Variants in CDIN1 observed in about 807,000 individuals in gnomAD.
CDIN1 encodes the protein CDAN1-interacting nuclease 1.
Under a neutral mutation model 45.3 loss-of-function variants are expected in CDIN1, and 33 were observed. The ratio of observed to expected loss-of-function variants is 0.73; its 90% CI spans 0.55 to 0.97. CDIN1 has a LOEUF of 0.97. CDIN1 is among the 50% of genes least tolerant of loss of function. The probability of loss-of-function intolerance (pLI) is 0.00; values close to 1 mark genes in which losing one functional copy is unlikely to be tolerated. For missense variants in CDIN1, 303 were observed against 339.4 expected (o/e 0.89, Z 0.84); for synonymous variants, 118 against 124.4 (o/e 0.95, Z 0.34).
chr15:36,583,046 G>T (rs544822541), intron 1 of CDIN1, among the ~76,000 whole-genome samples: 1 of 152,094 alleles, frequency 6.6e-6, no homozygotes, highest in African/African-American at 2.4e-5. Flanking sequence ...TGTTCAGGAT[G>T]CTGGTCCTAT....
intron 5 of CDIN1, among the ~76,000 whole-genome samples, chr15:36,688,819 A>G (rs1261817042): frequency 2.6e-5 from 4 of 152,182 alleles, no homozygotes; most frequent in South Asian, 4.1e-4. Flanking sequence ...TGTGTGTAAA[A>G]GTAGGTTTAC....
intron 10 of CDIN1, among the ~76,000 whole-genome samples, chr15:36,757,587 C>T (rs1161345936): frequency 6.6e-6 from 1 of 152,164 alleles, no homozygotes; most frequent in African/African-American, 2.4e-5. Flanking sequence ...GATGAAACCT[C>T]ACAGCAGCCC....
chr15:36,638,112 T>C (rs1305321488), intron 1 of CDIN1, among the ~76,000 whole-genome samples: 1 of 152,210 alleles, frequency 6.6e-6, no homozygotes, highest in African/African-American at 2.4e-5. Flanking sequence ...AAAAATAATT[T>C]TTAAAAAGGA....
In CDIN1 at chr15:36,728,670, G is replaced by GA. The variant is rs527384818; in HGVS notation, c.716+18716dup. Among the ~76,000 whole-genome samples the GA allele has an allele frequency of 4.7e-3, 710 of 150,930 alleles. 6 individuals are homozygous for GA. Among genetic ancestry groups the GA allele is most frequent in the Non-Finnish European group, 8.0e-3 (541 of 67,800 alleles). ...AGGTTTTAAATAAGCCTTAAAATGT[G>GA]AAAAAAATTTTTTTTTCTTCTTACG... On this transcript the variant is annotated intron_variant, in intron 10 of 10. Coordinates refer to ENST00000566621, the MANE Select transcript of CDIN1 (RefSeq NM_001321759.2).
intron 10 of CDIN1, among the ~76,000 whole-genome samples, chr15:36,739,410 GCAAAACAAAA>G (rs139738188): frequency 7.0e-4 from 105 of 151,062 alleles, no homozygotes; most frequent in East Asian, 9.8e-4. Flanking sequence ...GTCTCTAAAT[GCAAAACAAAA>G]CAAAACAAAA....
At chr15:36,708,966 A>G in intron 8 of CDIN1, 1 of 320,082 alleles carries the variant, frequency 3.1e-6, no homozygotes, top group Non-Finnish European at 5.6e-6. Flanking sequence ...AAAAGGTAGT[A>G]TATGACAGCT....
chr15:36,793,584 A>G (rs899341595), intron 10 of CDIN1, among the ~76,000 whole-genome samples: 3 of 152,224 alleles, frequency 2.0e-5, no homozygotes, highest in African/African-American at 7.2e-5. Context: ...TGAAGAATAG[A>G]ACCAGAGTTC....
chr15:36,618,293 C>G (rs1252284111), intron 1 of CDIN1: 2 of 666,844 alleles, frequency 3.0e-6, no homozygotes, highest in East Asian at 2.5e-5. Flanking sequence ...TTGAACAGAT[C>G]TAGTTCAAAA....
chr15:36,684,715 G>C (rs915301242), intron 5 of CDIN1, among the ~76,000 whole-genome samples: 3 of 151,996 alleles, frequency 2.0e-5, no homozygotes, highest in African/African-American at 2.4e-5. Context: ...GTCCTGGACT[G>C]TTTTTGGTTG....
intron 7 of CDIN1, among the ~76,000 whole-genome samples, chr15:36,693,573 T>C (rs1016853170): frequency 6.6e-6 from 1 of 152,192 alleles, no homozygotes; most frequent in Non-Finnish European, 1.5e-5. Context: ...AGTTAAGGTT[T>C]TAAAAGCATA....
chr15:36,782,217 T>C (rs1329209210), intron 10 of CDIN1, among the ~76,000 whole-genome samples: 2 of 152,186 alleles, frequency 1.3e-5, no homozygotes, highest in East Asian at 3.8e-4. Context: ...ACTAAATTAT[T>C]GTTAAATGGT....
At chr15:36,789,099 T>G (rs946247082) in intron 10 of CDIN1, among the ~76,000 whole-genome samples, 1 of 152,180 alleles carries the variant, frequency 6.6e-6, no homozygotes, top group Non-Finnish European at 1.5e-5. Context: ...TTAAGAAAGT[T>G]TACGAATTTG....
intron 1 of CDIN1, among the ~76,000 whole-genome samples, chr15:36,643,534 G>A (rs2040194724): frequency 6.6e-6 from 1 of 152,190 alleles, no homozygotes; most frequent in Admixed American, 6.5e-5. Context: ...TAGCAGTGGG[G>A]TATTGATTGC....
chr15:36,798,092 G>C (rs1488491920), intron 10 of CDIN1, among the ~76,000 whole-genome samples: 2 of 150,996 alleles, frequency 1.3e-5, no homozygotes, highest in Non-Finnish European at 1.5e-5. Context: ...CTTCTTCTAG[G>C]GCAAGGGACT....
chr15:36,588,544 T>TA (rs1323733405), intron 1 of CDIN1, among the ~76,000 whole-genome samples: 1 of 152,344 alleles, frequency 6.6e-6, no homozygotes, highest in African/African-American at 2.4e-5. Context: ...ACATGATCTT[T>TA]AAAATTAATA....
At chr15:36,652,449 A>G (rs2040610258) in intron 3 of CDIN1, among the ~76,000 whole-genome samples, 1 of 152,184 alleles carries the variant, frequency 6.6e-6, no homozygotes, top group Non-Finnish European at 1.5e-5. Context: ...ACAGGCACAC[A>G]ATCAGCTGGT....
intron 10 of CDIN1, among the ~76,000 whole-genome samples, chr15:36,757,388 G>A (rs1469248085): frequency 2.0e-5 from 3 of 152,144 alleles, no homozygotes; most frequent in East Asian, 1.9e-4. Flanking sequence ...CACTTGGGTC[G>A]AGACCTCATG....
At chr15:36,671,649 A>G (rs1263870240) in intron 5 of CDIN1, among the ~76,000 whole-genome samples, 1 of 152,122 alleles carries the variant, frequency 6.6e-6, no homozygotes, top group Non-Finnish European at 1.5e-5. Context: ...CTCAGCAAAC[A>G]TATTATCCAG....
chr15:36,627,936 C>T (rs956460373), intron 1 of CDIN1, among the ~76,000 whole-genome samples: 3 of 125,234 alleles, frequency 2.4e-5, no homozygotes, highest in East Asian at 5.8e-4. Flanking sequence ...AAGTGGGAGG[C>T]CTGTAATTTT....
Sources: gnomAD v4.1 joint callset for allele counts (sites outside exome capture counted in the v4.1 genomes callset) on GRCh38, gnomAD v4.1.1 for gene constraint, MANE v1.5 for transcripts, NCBI Gene and HGNC (gene_info 2026-07-23, HGNC 2026-07-21) for gene names.